The following KRT10 variants were observed in gnomAD, a reference collection of about 807,000 sequenced individuals.
KRT10 encodes keratin 10, also known as keratin, type I cytoskeletal 10.
In KRT10, 40 loss-of-function variants were observed where a neutral mutation model predicts 59.2. The observed-to-expected ratio is 0.68, with a 90% CI of 0.52 to 0.88. The LOEUF (loss-of-function observed/expected upper bound fraction) is 0.88. KRT10 is among the 40% of genes least tolerant of loss of function. The probability of loss-of-function intolerance (pLI) is 0.00; values close to 1 mark genes in which losing one functional copy is unlikely to be tolerated. For synonymous variants in KRT10, 336 were observed against 310.7 expected (o/e 1.08, Z -0.86); for missense variants, 719 against 749.1 (o/e 0.96, Z 0.47).
Position 40,819,128 on chromosome 17 carries a change from G to A in KRT10, c.1407C>T (p.Phe469=), listed in dbSNP as rs944258738. Residue 469 remains phenylalanine (F), a synonymous_variant, in exon 7 of 8, where the codon TTC becomes TTT. Transcript: ENST00000269576. ...AGCTTCCGCCGCCGTAGCCGCCGCC[G>A]AAACTTCCGCCGCCGCGTCCGCCGC... ...SGGGGRGGGS[F]GGGYGGGSSG... 14 of 1,532,390 alleles carry A rather than the reference G, an allele frequency of 9.1e-6. No individual in the cohort carries two copies. The highest frequency in any genetic ancestry group is 3.9e-5 in the Admixed American group (2 of 51,352). The allele number at this position is 1,532,390 out of a possible 1,614,324, so 94.9% of individuals were successfully genotyped here.
In KRT10 at chr17:40,820,520, G is replaced by T. The variant is rs1309964999; in HGVS notation, c.858C>A (p.Asn286Lys). ...ATAACTTTTGTGTCACCTCCTCGTG[G>T]TTCTTCTTCAGATAGGCCAGCTCTT... Reference protein sequence around the residue: ...LTEELAYLKKNHEEEMKDLRN... With the variant: ...LTEELAYLKKKHEEEMKDLRN... Residue 286 changes from asparagine (N) to lysine (K), a missense_variant, in exon 3 of 8, where the codon AAC becomes AAA. By Grantham distance (94) the Asn-to-Lys change is moderately conservative (BLOSUM62 0). Coordinates refer to ENST00000269576, the MANE Select transcript of KRT10 (RefSeq NM_000421.5). The T allele has an allele frequency of 7.4e-6, 12 of 1,614,156 alleles. No homozygotes were observed. Among genetic ancestry groups the T allele is most frequent in the Admixed American group, 1.7e-5 (1 of 60,018 alleles).
In KRT10 at chr17:40,819,374, C is replaced by A. The variant is rs75823057; in HGVS notation, c.1373+143G>T. Reference sequence around the variant, plus strand: ...CCAAATTCATGAGAAAGTGAGATTGCGGTTGCGTACTCCTTTTTCTGTACT... The same window carrying A: ...CCAAATTCATGAGAAAGTGAGATTGAGGTTGCGTACTCCTTTTTCTGTACT... On this transcript the variant is annotated intron_variant, in intron 6 of 7. Transcript: ENST00000269576. The A allele has an allele frequency of 4.1e-3, 5,163 of 1,247,224 alleles. 22 individuals carry two copies. The highest frequency in any genetic ancestry group is 5.0e-3 in the Non-Finnish European group (4,432 of 881,808). 77.3% of individuals were successfully genotyped at this position (1,247,224 alleles called of 1,614,324 possible). A position where few individuals can be genotyped will look rare whatever the true frequency, so the allele number is the denominator to read the frequency against.
intron 2 of KRT10, 141 bp from the exon 3 acceptor site, chr17:40,820,808 G>C: frequency 9.5e-7 from 1 of 1,049,920 alleles, no homozygotes; most frequent in East Asian, 2.6e-5. Context: ...AGAAGTAATA[G>C]TGGTTTAATG....
Position 40,822,359 on chromosome 17 carries a change from C to G in KRT10, c.227G>C (p.Gly76Ala). The change falls in exon 1 of 8, where the codon GGA (glycine) becomes GCA (alanine). Residue 76 changes from glycine (G) to alanine (A), a missense_variant. This residue lies in a region of KRT10 where 176 missense variants were observed against 175.7 expected (regional missense o/e 1.00). Coordinates refer to ENST00000269576, the MANE Select transcript of KRT10 (RefSeq NM_000421.5). The stretch of plus-strand genomic sequence containing the variant: ...GCTACCTCCACCAAAACCTCCTAAT[C>G]CTCCATAGCCACCTGATGAGCCCCC... ...CFGGSSGGYG[G>A]LGGFGGGSFR... The G allele has an allele frequency of 4.4e-6, 7 of 1,604,614 alleles. No individual in the cohort carries two copies. Among genetic ancestry groups the G allele is most frequent in the Non-Finnish European group, 6.0e-6 (7 of 1,174,624 alleles).
rs1905470168 is a variant in KRT10, at chr17:40,822,403, G to T, written c.183C>A (p.Ser61Arg). 1 of 1,612,128 alleles carries T rather than the reference G, an allele frequency of 6.2e-7. No individual in the cohort carries two copies. Among genetic ancestry groups the T allele is most frequent in the South Asian group, 1.1e-5 (1 of 90,956 alleles). The stretch of plus-strand genomic sequence containing the variant: ...AGCCCCCAAAGCAGCCCCCACCAGA[G>T]CTCCCACGGCTAAAAGAGCCACCAC... ...GFSGGSFSRG[S>R]SGGGCFGGSS... The change falls in exon 1 of 8, where the codon AGC becomes AGA. Residue 61 changes from serine to arginine, a missense_variant. Coordinates refer to ENST00000269576, the MANE Select transcript of KRT10 (RefSeq NM_000421.5).
In KRT10 at chr17:40,820,400, C is replaced by G; in HGVS notation, c.891G>C (p.Val297=). 6.2e-7 allele frequency: 1 copy of G among 1,614,218 alleles called. No homozygotes were observed. The highest frequency in any genetic ancestry group is 1.1e-5 in the South Asian group (1 of 91,088). ...HEEEMKDLRN[V]STGDVNVEMN... ...TTTCCACATTCACATCACCAGTGGA[C>G]ACATTTCGAAGGTCTTTCATTTCCT... The change falls in exon 4 of 8, where the codon GTG becomes GTC. Residue 297 remains valine, a synonymous_variant. Coordinates refer to ENST00000269576, the MANE Select transcript of KRT10 (RefSeq NM_000421.5).
rs762755782 is a variant in KRT10 at position 40,820,064 on chromosome 17, C to CT, written c.1139dup (p.Ser381ValfsTer44). The CT allele has an allele frequency of 2.5e-6, 4 of 1,612,762 alleles. No homozygotes were observed. Reference sequence around the variant, plus strand: ...GTTAACATACCAAGGCCAGTTGGGACTGTAGTTCTATCTCCAGAGCTTGTA... The same window carrying CT: ...GTTAACATACCAAGGCCAGTTGGGACTTGTAGTTCTATCTCCAGAGCTTGTA... On this transcript the variant is annotated frameshift_variant, in exon 5 of 8. Coordinates refer to ENST00000269576, the MANE Select transcript of KRT10 (RefSeq NM_000421.5). LOFTEE classifies it high-confidence loss of function.
rs1399182334 is a variant in KRT10 at position 40,819,062 on chromosome 17, G to A, written c.1473C>T (p.His491=). 5 of 720,062 alleles carry A rather than the reference G, an allele frequency of 6.9e-6. No individual in the cohort carries two copies. In the South Asian group the frequency reaches 1.0e-4, roughly 15 times the overall value. The allele number at this position is 720,062 out of a possible 1,614,324, so 44.6% of individuals were successfully genotyped here. The stretch of plus-strand genomic sequence containing the variant: ...CGTAGCCGCCGCCGGAACTGCCGCC[G>A]TGGCCGCCGCCGTGGCCGCCGCCGG... ...GSSGGGHGGG[H]GGSSGGGYGG... is the part of the protein sequence containing the mutation. Residue 491 remains histidine (H), a synonymous_variant, in exon 7 of 8, where the codon CAC becomes CAT. Transcript: ENST00000269576.
In KRT10 at chr17:40,822,118, G is replaced by A. The variant is rs747156157; in HGVS notation, c.468C>T (p.Arg156=). 13 of 1,613,980 alleles carry A rather than the reference G, an allele frequency of 8.1e-6. No homozygotes were observed. Among genetic ancestry groups the A allele is most frequent in the Middle Eastern group, 1.6e-4 (1 of 6,062 alleles). The change falls in exon 1 of 8, where the codon CGC becomes CGT. Residue 156 remains arginine, a synonymous_variant. Transcript: ENST00000269576. The part of the protein sequence containing the change: ...EKVTMQNLND[R]LASYLDKVRA... The stretch of plus-strand genomic sequence containing the variant: ...GAACTTTGTCCAAGTAGGAAGCCAG[G>A]CGGTCATTCAGATTCTGCATGGTTA...
intron 7 of KRT10, 91 bp from the exon 8 acceptor site, chr17:40,818,573 C>G (rs1024801252): frequency 1.6e-6 from 2 of 1,256,244 alleles, no homozygotes; most frequent in Non-Finnish European, 2.3e-6. Context: ...GAAATTTCAA[C>G]TTTACATTGT....
At position 40,820,373 on chromosome 17, in the gene KRT10, C is replaced by T. The variant is rs1237240043; in HGVS notation, c.918G>A (p.Met306Ile). The T allele has an allele frequency of 1.9e-6, 3 of 1,614,250 alleles. No homozygotes were observed. Among genetic ancestry groups the T allele is most frequent in the Non-Finnish European group, 2.5e-6 (3 of 1,180,038 alleles). ...TCAGATCAACACCCGGGGCAGCATT[C>T]ATTTCCACATTCACATCACCAGTGG... ...NVSTGDVNVE[M>I]NAAPGVDLTQ... Residue 306 changes from methionine (M) to isoleucine (I), a missense_variant, in exon 4 of 8, where the codon ATG becomes ATA. Around this residue, in one of 4 missense-constraint regions of KRT10, gnomAD observed 221 missense variants for 277.8 expected, o/e 0.80. Transcript: ENST00000269576.
chr17:40,819,165 A>G lies in KRT10; in HGVS notation c.1374-4T>C, dbSNP rs1247303147. 1.3e-6 allele frequency: 2 copies of G among 1,574,926 alleles called. No homozygotes were observed. Among genetic ancestry groups the G allele is most frequent in the African/African-American group, 2.8e-5 (2 of 72,388 alleles). ...GCCGCGTCCGCCGCCTCCGGAACTA[A>G]ACGGGGTGAGGTCACATTCGGTTAT... On this transcript the variant is annotated splice_polypyrimidine_tract_variant and splice_region_variant and intron_variant, in intron 6 of 7. Coordinates refer to ENST00000269576, the MANE Select transcript of KRT10 (RefSeq NM_000421.5).
intron 1 of KRT10, 132 bp downstream of exon 1, chr17:40,821,827 C>A: frequency 1.1e-6 from 1 of 939,822 alleles, no homozygotes; most frequent in Non-Finnish European, 1.7e-6. Flanking sequence ...TTTGATGAGA[C>A]TGGGTTATTT....
At position 40,822,494 on chromosome 17, in the gene KRT10, ACTCCTCCTCCTCCTCCACATCCTC is replaced by A. The variant is rs748815143; in HGVS notation, c.68_91del (p.Gly23_Gly30del). ...GCTGCTAGAAATTCTTAGGGATGACACTCCTCCTCCTCCTCCACATCCTCCTCCTCCTCCTCCTCCTCCACTGCG... is the reference window on the plus strand; with the variant it reads ...GCTGCTAGAAATTCTTAGGGATGACACTCCTCCTCCTCCTCCTCCACTGCG... On this transcript the variant is annotated inframe_deletion, in exon 1 of 8. Coordinates refer to ENST00000269576, the MANE Select transcript of KRT10 (RefSeq NM_000421.5). 15 of 1,605,728 alleles carry A rather than the reference ACTCCTCCTCCTCCTCCACATCCTC, an allele frequency of 9.3e-6. No homozygotes were observed. The highest frequency in any genetic ancestry group is 1.4e-5 in the African/African-American group (1 of 73,458).
intron 3 of KRT10, 36 bp from the exon 4 acceptor site, chr17:40,820,459 A>C: frequency 6.2e-7 from 1 of 1,614,232 alleles, no homozygotes; most frequent in Non-Finnish European, 8.5e-7. Flanking sequence ...TGGCTACACG[A>C]GGACCATAAT....
chr17:40,820,974 A>G, intron 2 of KRT10, 61 bp downstream of exon 2: 1 of 1,306,046 alleles, frequency 7.7e-7, no homozygotes, highest in Non-Finnish European at 1.1e-6. Flanking sequence ...ATCCCAAGTC[A>G]TTGTTAAAAA....
At chr17:40,819,255 T>A (rs1340048280) in intron 6 of KRT10, 94 bp from the exon 7 acceptor site, 3 of 1,575,010 alleles carry the variant, frequency 1.9e-6, no homozygotes, top group Non-Finnish European at 2.6e-6. Context: ...AAGCAAAACG[T>A]GTTGAAAAAA....
intron 2 of KRT10, 38 bp downstream of exon 2, chr17:40,820,997 T>G: frequency 2.0e-6 from 3 of 1,464,764 alleles, no homozygotes; most frequent in Middle Eastern, 1.7e-4. Flanking sequence ...ACTGATGTAT[T>G]CGTTGTGATA....
At chr17:40,819,314 G>A (rs1905234571) in intron 6 of KRT10, 153 bp from the exon 7 acceptor site, 2 of 1,469,266 alleles carry the variant, frequency 1.4e-6, no homozygotes, top group East Asian at 4.7e-5. Flanking sequence ...TGAAAACAAT[G>A]TTAAGTTCAC....
Sources: allele counts gnomAD v4.1 joint callset, GRCh38; gene constraint gnomAD v4.1.1; regional missense constraint gnomAD v4.1.1; transcripts MANE v1.5; gene names NCBI Gene and HGNC (gene_info 2026-07-23, HGNC 2026-07-21).